SLC2A2: variants seen among roughly 807,000 people sequenced by gnomAD.
SLC2A2 encodes the protein solute carrier family 2, facilitated glucose transporter member 2.
A neutral mutation model predicts 54.5 loss-of-function variants in SLC2A2; 36 were observed. The observed-to-expected ratio is 0.66, with a 90% confidence interval of 0.51 to 0.87. SLC2A2 has a LOEUF of 0.87. SLC2A2 is among the 40% of genes least tolerant of loss of function. The probability of loss-of-function intolerance (pLI) is 0.00; values close to 1 mark genes in which losing one functional copy is unlikely to be tolerated. For missense variants in SLC2A2, 543 were observed against 624.3 expected (o/e 0.87, Z 1.39); for synonymous variants, 223 against 219.1 (o/e 1.02, Z -0.16).
rs6779633 is a variant in SLC2A2 at position 171,008,556 on chromosome 3, A to G, written c.497-1293T>C. On this transcript the variant is annotated intron_variant, in intron 4 of 10. Transcript: ENST00000314251. ...TTTTAGAAGATAGTTAGGGAGTACA[A>G]GTTGGTTGGCTATGCTACTTAGAGG... is the stretch of plus-strand genomic sequence containing the variant. Among the ~76,000 whole-genome samples the G allele has an allele frequency of 3.3e-3, 503 of 152,192 alleles. 2 individuals are homozygous for G. Among genetic ancestry groups the G allele is most frequent in the Non-Finnish European group, 5.4e-3 (366 of 67,990 alleles).
At chr3:171,010,172 C>G in intron 3 of SLC2A2, 90 bp from the exon 4 acceptor site, 4 of 1,325,486 alleles carry the variant, frequency 3.0e-6, no homozygotes, top group Non-Finnish European at 3.2e-6. Context: ...TTTTTTTAAC[C>G]TAAGAGCAAT....
At chr3:171,005,221 C>T in intron 7 of SLC2A2, 64 bp downstream of exon 7, 2 of 1,353,310 alleles carry the variant, frequency 1.5e-6, no homozygotes, top group East Asian at 2.3e-5. Context: ...TAAACTTGTA[C>T]CCCTTGCCTT....
intron 1 of SLC2A2, among the ~76,000 whole-genome samples, chr3:171,024,444 T>C (rs555843308): frequency 6.6e-6 from 1 of 152,298 alleles, no homozygotes; most frequent in East Asian, 1.9e-4. Context: ...AACCGAGAGC[T>C]GATGGTCTTA....
chr3:171,020,678 T>G (rs557338984), intron 1 of SLC2A2, among the ~76,000 whole-genome samples: 1 of 151,672 alleles, frequency 6.6e-6, no homozygotes, highest in African/African-American at 2.4e-5. Flanking sequence ...AGCCTAAGAG[T>G]TCGAGACCAG....
At chr3:171,020,033 A>G (rs1716378414) in intron 1 of SLC2A2, among the ~76,000 whole-genome samples, 1 of 152,228 alleles carries the variant, frequency 6.6e-6, no homozygotes, top group African/African-American at 2.4e-5. Context: ...TTTGTTGTGT[A>G]AATGAATGAG....
rs1283734332 is a variant in SLC2A2 at position 170,997,994 on chromosome 3, A to G, written c.1484T>C (p.Ile495Thr). The change falls in exon 11 of 11, where the codon ATT (isoleucine) becomes ACT (threonine). Residue 495 changes from isoleucine to threonine, a missense_variant. By Grantham distance (89) the Ile-to-Thr change is moderately conservative. Around this residue, in one of 3 missense-constraint regions of SLC2A2, gnomAD observed 108 missense variants for 101.3 expected, o/e 1.07. Coordinates refer to ENST00000314251, the MANE Select transcript of SLC2A2 (RefSeq NM_000340.2). The stretch of plus-strand genomic sequence containing the variant: ...ACTCTTCTTTTGGAATTCTGCAGCA[A>G]TTTCCTCAAAAGACTTTCCTTTGGT... ...PETKGKSFEE[I>T]AAEFQKKSGS... 2.5e-6 allele frequency: 4 copies of G among 1,613,598 alleles called. No homozygotes were observed. The African/African-American group carries it at 4.0e-5, about 16-fold the overall frequency.
At chr3:171,000,094 G>A (rs1348336962) in intron 8 of SLC2A2, among the ~76,000 whole-genome samples, 4 of 152,122 alleles carry the variant, frequency 2.6e-5, no homozygotes, top group Non-Finnish European at 5.9e-5. Flanking sequence ...GCAATCCAAT[G>A]TCTTTAGTAT....
At position 171,005,411 on chromosome 3, in the gene SLC2A2, T is replaced by C. The variant is rs1320767265; in HGVS notation, c.837A>G (p.Glu279=). 6.2e-7 allele frequency: 1 copy of C among 1,612,814 alleles called. No individual in the cohort carries two copies. The highest frequency in any genetic ancestry group is 2.2e-5 in the East Asian group (1 of 44,848). The change falls in exon 7 of 11, where the codon GAA becomes GAG. Residue 279 remains glutamate (E), a synonymous_variant. Coordinates refer to ENST00000314251, the MANE Select transcript of SLC2A2 (RefSeq NM_000340.2). The part of the protein sequence containing the change: ...VTKDINEMRK[E]REEASSEQKV... ...TCTGCTCACTCGATGCTTCTTCTCT[T>C]TCTTTTCTCATTTCATTAATATCTT...
chr3:171,026,439 G>A (rs2108269013), intron 1 of SLC2A2, among the ~76,000 whole-genome samples: 1 of 123,634 alleles, frequency 8.1e-6, no homozygotes, highest in Non-Finnish European at 1.6e-5. Context: ...ACAATTACTT[G>A]AAAAAACTTA....
intron 3 of SLC2A2, among the ~76,000 whole-genome samples, chr3:171,013,496 T>C (rs1236481902): frequency 6.6e-6 from 1 of 152,018 alleles, no homozygotes; most frequent in Non-Finnish European, 1.5e-5. Flanking sequence ...AAACTTATAG[T>C]CATATTATAT....
chr3:171,024,756 T>C (rs1184351262), intron 1 of SLC2A2, among the ~76,000 whole-genome samples: 1 of 152,218 alleles, frequency 6.6e-6, no homozygotes, highest in East Asian at 1.9e-4. Context: ...ATTTTGGGCA[T>C]ATTCAGTGTG....
At chr3:171,005,822 T>C (rs1198969347) in intron 6 of SLC2A2, 121 bp downstream of exon 6, 1 of 1,014,934 alleles carries the variant, frequency 9.9e-7, no homozygotes, top group Non-Finnish European at 1.5e-6. Flanking sequence ...ACCAGTCATA[T>C]AAAAGCGATT....
intron 8 of SLC2A2, among the ~76,000 whole-genome samples, chr3:171,002,296 G>A (rs1477470916): frequency 3.9e-5 from 6 of 152,000 alleles, no homozygotes; most frequent in African/African-American, 1.4e-4. Flanking sequence ...GCACAAGGAG[G>A]AAGTTCTCTG....
chr3:171,026,215 A>G (rs1364069093), intron 1 of SLC2A2, among the ~76,000 whole-genome samples: 1 of 152,038 alleles, frequency 6.6e-6, no homozygotes, highest in Non-Finnish European at 1.5e-5. Context: ...TCTTCCTTCC[A>G]CAATCTAAAT....
chr3:171,000,219 A>G (rs1384391254), intron 8 of SLC2A2, among the ~76,000 whole-genome samples: 3 of 152,122 alleles, frequency 2.0e-5, no homozygotes, highest in Non-Finnish European at 4.4e-5. Flanking sequence ...ATGATAAGCT[A>G]AGAGCACATA....
rs949497653 is a variant in SLC2A2, at chr3:171,021,302, C to G, written c.16-2679G>C. Among the ~76,000 whole-genome samples the G allele has an allele frequency of 3.9e-5, 6 of 152,322 alleles. No individual in the cohort carries two copies. In the South Asian group the frequency reaches 8.3e-4, roughly 21 times the overall value. ...AGGGCTTTAACCCACTTCCCTCATA[C>G]TCTCCATCACTGAAACCAGGACAAT... On this transcript the variant is annotated intron_variant, in intron 1 of 10. Transcript: ENST00000314251.
chr3:171,019,575 T>C (rs1486595206), intron 1 of SLC2A2, among the ~76,000 whole-genome samples: 1 of 152,166 alleles, frequency 6.6e-6, no homozygotes, highest in Non-Finnish European at 1.5e-5. Context: ...AGTTTAGCAT[T>C]TTTTTGTGCA....
Position 170,999,109 on chromosome 3 carries a change from T to C in SLC2A2, c.1126A>G (p.Met376Val), listed in dbSNP as rs780255530. 1.2e-6 allele frequency: 2 copies of C among 1,613,006 alleles called. No homozygotes were observed. The highest frequency in any genetic ancestry group is 2.2e-5 in the South Asian group (2 of 91,060). Residue 376 changes from methionine (M) to valine (V), a missense_variant, in exon 9 of 11, where the codon ATG becomes GTG. Physicochemically the swap from Met to Val is conservative, Grantham distance 21 (BLOSUM62 1). Coordinates refer to ENST00000314251, the MANE Select transcript of SLC2A2 (RefSeq NM_000340.2). ...RSLFLIGMSGMFVCAIFMSVG... is the reference protein window; with the variant it reads ...RSLFLIGMSGVFVCAIFMSVG... Reference sequence around the variant, plus strand: ...GACATGAAGATGGCACAAACAAACATCCCACTCATTCCAATTAGAAAGAGA... The same window carrying C: ...GACATGAAGATGGCACAAACAAACACCCCACTCATTCCAATTAGAAAGAGA...
intron 2 of SLC2A2, among the ~76,000 whole-genome samples, chr3:171,018,023 T>C (rs1364266548): frequency 2.6e-5 from 4 of 152,170 alleles, no homozygotes; most frequent in Admixed American, 2.0e-4. Flanking sequence ...GTTTAGGGCT[T>C]CTTAAGGTTT....
Sources: allele counts gnomAD v4.1 joint callset (sites outside exome capture counted in the v4.1 genomes callset), GRCh38; gene constraint gnomAD v4.1.1; regional missense constraint gnomAD v4.1.1; transcripts MANE v1.5; gene names NCBI Gene and HGNC (gene_info 2026-07-23, HGNC 2026-07-21).